The following KLHL29 variants were observed in gnomAD, a reference collection of about 807,000 sequenced individuals.
KLHL29 encodes kelch-like protein 29.
KLHL29 carries 21 observed loss-of-function variants against 80.4 expected under a neutral mutation model. The observed-to-expected ratio is 0.26, with a 90% confidence interval of 0.19 to 0.38. The LOEUF is 0.38. Among genes scored for constraint, KLHL29 ranks in the 10% least tolerant of loss-of-function variants. KLHL29 has a pLI of 1.00. For missense variants in KLHL29, 867 were observed against 1,223.9 expected (o/e 0.71, Z 4.35); for synonymous variants, 511 against 526.8 (o/e 0.97, Z 0.41).
chr2:23,532,638 T>C (rs1052788874), intron 2 of KLHL29: 3 of 456,594 alleles, frequency 6.6e-6, no homozygotes, highest in Non-Finnish European at 1.3e-5. Flanking sequence ...TATCTTAACT[T>C]GGGACTGAGG....
chr2:23,444,303 A>G (rs1472571654), intron 1 of KLHL29, among the ~76,000 whole-genome samples: 1 of 152,092 alleles, frequency 6.6e-6, no homozygotes, highest in African/African-American at 2.4e-5. Context: ...TTACCTTTTT[A>G]TATATATTTC....
Position 23,567,423 on chromosome 2 carries a change from G to A in KLHL29, c.285+4942G>A, listed in dbSNP as rs146645550. ...GCGACTTCGCCTGTGTCGGAGGCCC[G>A]AGAAGAACCAAAAGGGGCTATGAAA... is the stretch of plus-strand genomic sequence containing the variant. On this transcript the variant is annotated intron_variant, in intron 3 of 13. Transcript: ENST00000486442. 4.2e-3 allele frequency among the ~76,000 whole-genome samples: 641 copies of A among 152,086 alleles called. 5 individuals are homozygous for A. Among genetic ancestry groups the A allele is most frequent in the African/African-American group, 0.012 (492 of 41,480 alleles).
intron 1 of KLHL29, among the ~76,000 whole-genome samples, chr2:23,408,441 GTTTA>G (rs925191518): frequency 3.3e-5 from 5 of 151,958 alleles, no homozygotes; most frequent in Non-Finnish European, 7.4e-5. Flanking sequence ...CTCTCTCTGT[GTTTA>G]TTTGAGTTTA....
chr2:23,570,370 C>A (rs1667689727), intron 3 of KLHL29, among the ~76,000 whole-genome samples: 1 of 152,176 alleles, frequency 6.6e-6, no homozygotes, highest in Admixed American at 6.5e-5. Context: ...TAGCAGAAGG[C>A]CAGTTGTCTG....
chr2:23,431,777 C>T (rs1209675700), intron 1 of KLHL29, among the ~76,000 whole-genome samples: 1 of 151,580 alleles, frequency 6.6e-6, no homozygotes, highest in Non-Finnish European at 1.5e-5. Flanking sequence ...GCCTGTAGTC[C>T]CAGCTACTCG....
chr2:23,551,501 G>A (rs893174533), intron 2 of KLHL29, among the ~76,000 whole-genome samples: 3 of 152,202 alleles, frequency 2.0e-5, no homozygotes, highest in Non-Finnish European at 4.4e-5. Context: ...ATTGCTTTTT[G>A]TGCAAGAAAT....
chr2:23,525,954 C>T (rs923006176), intron 2 of KLHL29, among the ~76,000 whole-genome samples: 1 of 152,236 alleles, frequency 6.6e-6, no homozygotes, highest in Admixed American at 6.5e-5. Flanking sequence ...CCCTTCTGGC[C>T]TCATCTGGCC....
chr2:23,442,797 G>C (rs1663568902), intron 1 of KLHL29, among the ~76,000 whole-genome samples: 1 of 152,204 alleles, frequency 6.6e-6, no homozygotes, highest in Non-Finnish European at 1.5e-5. Flanking sequence ...TAGGAGCCAT[G>C]TTTGGTTGGG....
rs1474231992 is a variant in KLHL29, at chr2:23,680,240, C to T, written c.941-4159C>T. 6.6e-6 allele frequency among the ~76,000 whole-genome samples: 1 copy of T among 152,158 alleles called. No individual in the cohort carries two copies. Among genetic ancestry groups the T allele is most frequent in the East Asian group, 1.9e-4 (1 of 5,168 alleles). On this transcript the variant is annotated intron_variant, in intron 5 of 13. Coordinates refer to ENST00000486442, the MANE Select transcript of KLHL29 (RefSeq NM_052920.2). This position sits in a 1 kb window ranked among gnomAD's most constrained non-coding sequence, Gnocchi z 4.1. ...AATTCTAGGAGGTAAAAAGATGGGA[C>T]TTGGTGTGATGAGGGAGGGGAGGAG...
At chr2:23,639,316 C>T (rs756048176) in intron 4 of KLHL29, 36 bp downstream of exon 4, 2 of 1,537,806 alleles carry the variant, frequency 1.3e-6, no homozygotes, top group South Asian at 1.2e-5. Flanking sequence ...ACGACTGAGC[C>T]CAGGGCTTGG....
chr2:23,638,623 A>T (rs1250977482), intron 3 of KLHL29, among the ~76,000 whole-genome samples: 1 of 152,152 alleles, frequency 6.6e-6, no homozygotes, highest in African/African-American at 2.4e-5. Flanking sequence ...CAGGATAGGA[A>T]ATGTATAAAG....
intron 2 of KLHL29, among the ~76,000 whole-genome samples, chr2:23,551,157 C>G (rs1054726439): frequency 6.6e-6 from 1 of 152,224 alleles, no homozygotes. Flanking sequence ...CTGATGTTTA[C>G]AAGTTCCTAA....
intron 3 of KLHL29, among the ~76,000 whole-genome samples, chr2:23,591,779 C>T (rs948925887): frequency 7.2e-5 from 11 of 152,214 alleles, no homozygotes; most frequent in Non-Finnish European, 1.3e-4. Context: ...TAGAACTCGC[C>T]TTCCTCGTCG....
At chr2:23,425,303 G>A (rs1662976878) in intron 1 of KLHL29, among the ~76,000 whole-genome samples, 1 of 152,158 alleles carries the variant, frequency 6.6e-6, no homozygotes, top group African/African-American at 2.4e-5. Context: ...TGGAAATGCT[G>A]ATCTAGAGAC....
intron 2 of KLHL29, among the ~76,000 whole-genome samples, chr2:23,552,006 ATGT>A (rs1667144150): frequency 6.6e-6 from 1 of 152,226 alleles, no homozygotes; most frequent in Non-Finnish European, 1.5e-5. Flanking sequence ...CACCAGCAGG[ATGT>A]TGTGAGGCAA....
intron 2 of KLHL29, among the ~76,000 whole-genome samples, chr2:23,534,362 A>T (rs1351394132): frequency 1.3e-5 from 2 of 152,160 alleles, no homozygotes; most frequent in African/African-American, 4.8e-5. Context: ...ACAGGCATTT[A>T]ATAAGTGATG....
chr2:23,677,777 G>C (rs1234117899), intron 5 of KLHL29, among the ~76,000 whole-genome samples: 1 of 152,210 alleles, frequency 6.6e-6, no homozygotes, highest in East Asian at 1.9e-4. Flanking sequence ...GCTCCTGGAT[G>C]AATTACCCTC....
chr2:23,470,010 G>A (rs1277329785), intron 1 of KLHL29, among the ~76,000 whole-genome samples: 4 of 146,944 alleles, frequency 2.7e-5, no homozygotes, highest in Admixed American at 2.0e-4. Flanking sequence ...GGTCTGCTGT[G>A]TATCAAAAAA....
chr2:23,498,370 C>T (rs1464917097), intron 2 of KLHL29, among the ~76,000 whole-genome samples: 3 of 152,194 alleles, frequency 2.0e-5, no homozygotes, highest in African/African-American at 7.2e-5. Context: ...CTGGAGGCTG[C>T]GGCACCAGTG....
Sources: gnomAD v4.1 joint callset for allele counts (sites outside exome capture counted in the v4.1 genomes callset) on GRCh38, gnomAD v4.1.1 for gene constraint, Gnocchi (gnomAD v3.1) non-coding constraint, MANE v1.5 for transcripts, NCBI Gene and HGNC (gene_info 2026-07-23, HGNC 2026-07-21) for gene names.